The following MAGI3 variants were observed in gnomAD, a reference collection of about 807,000 sequenced individuals.
MAGI3 encodes membrane associated guanylate kinase, WW and PDZ domain containing 3.
A neutral mutation model predicts 121.8 loss-of-function variants in MAGI3; 43 were observed. That is an observed-to-expected ratio of 0.35 (90% CI 0.28 to 0.46). The LOEUF is 0.46. Ranked by LOEUF, MAGI3 falls within the 20% of genes least tolerant of loss-of-function variation. The pLI is 1.00. For synonymous variants in MAGI3, 553 were observed against 639.3 expected, an observed-to-expected ratio of 0.86 and a Z score of 2.04; for missense variants, 1,547 against 1,797.3, an observed-to-expected ratio of 0.86 and a Z score of 2.52.
At chr1:113,539,387 GTC>G in intron 1 of MAGI3, among the ~76,000 whole-genome samples, 1 of 146,844 alleles carries the variant, frequency 6.8e-6, no homozygotes, top group African/African-American at 2.5e-5. Context: ...GAGAGACTCC[GTC>G]TCAGAAAAAA....
intron 1 of MAGI3, among the ~76,000 whole-genome samples, chr1:113,472,734 TTGTGTGTGTGTG>T (rs35390645): frequency 7.2e-6 from 1 of 139,218 alleles, no homozygotes; most frequent in Non-Finnish European, 1.6e-5. Flanking sequence ...TCTACTACAG[TTGTGTGTGTGTG>T]TGTGTGTGTG....
intron 1 of MAGI3, among the ~76,000 whole-genome samples, chr1:113,398,387 A>G (rs1193076325): frequency 6.6e-6 from 1 of 152,174 alleles, no homozygotes; most frequent in African/African-American, 2.4e-5. Context: ...ATTTTGTTTC[A>G]AATTTATTAA....
intron 1 of MAGI3, among the ~76,000 whole-genome samples, chr1:113,404,742 C>T (rs1385560447): frequency 3.3e-5 from 5 of 152,078 alleles, no homozygotes; most frequent in East Asian, 1.9e-4. Context: ...ATGAGTGAAA[C>T]GATGAGAAAA....
intron 1 of MAGI3, among the ~76,000 whole-genome samples, chr1:113,394,580 T>G (rs1274814059): frequency 6.6e-6 from 1 of 152,212 alleles, no homozygotes; most frequent in Non-Finnish European, 1.5e-5. Context: ...TTCTGATTAA[T>G]ATACAAGTAG....
At chr1:113,579,010 A>G (rs1178561261) in intron 2 of MAGI3, among the ~76,000 whole-genome samples, 2 of 152,200 alleles carry the variant, frequency 1.3e-5, no homozygotes, top group Non-Finnish European at 2.9e-5. Flanking sequence ...TGTGACTAAA[A>G]ACAGTAGGAG....
intron 1 of MAGI3, among the ~76,000 whole-genome samples, chr1:113,480,872 A>G (rs369810840): frequency 4.9e-4 from 74 of 152,326 alleles, no homozygotes; most frequent in African/African-American, 1.8e-3. Flanking sequence ...TGAATCCGCC[A>G]GTAGGAAACC....
chr1:113,625,848 A>G (rs75683713), intron 9 of MAGI3, among the ~76,000 whole-genome samples: 1 of 151,998 alleles, frequency 6.6e-6, no homozygotes, highest in Non-Finnish European at 1.5e-5. Context: ...TATGGCTTTT[A>G]TTATATTGAG....
rs569923490 is a variant in MAGI3 at position 113,646,528 on chromosome 1, A to T, written c.2041A>T (p.Asn681Tyr). 14 of 1,612,158 alleles carry T rather than the reference A, an allele frequency of 8.7e-6. No homozygotes were observed. The South Asian group carries it at 1.5e-4, about 18-fold the overall frequency. Reference protein sequence around the residue: ...KENAGSLEAINEPIPQPMPFP... With the variant: ...KENAGSLEAIYEPIPQPMPFP... ...AAATGCAGGAAGTTTGGAGGCCATA[A>T]ATGAGCCTATTCCTCAGCCTATGCC... Residue 681 changes from asparagine to tyrosine, a missense_variant, in exon 12 of 21, where the codon AAT becomes TAT. Transcript: ENST00000307546.
intron 5 of MAGI3, 110 bp from the exon 6 acceptor site, chr1:113,594,371 G>T: frequency 1.3e-6 from 1 of 750,162 alleles, no homozygotes. Context: ...GGAGCCTGTT[G>T]GAGATTAATG....
intron 1 of MAGI3, among the ~76,000 whole-genome samples, chr1:113,529,044 T>C (rs1439994309): frequency 6.6e-6 from 1 of 152,220 alleles, no homozygotes; most frequent in Non-Finnish European, 1.5e-5. Context: ...TTCTCTTGAA[T>C]TTATAAAACT....
intron 1 of MAGI3, among the ~76,000 whole-genome samples, chr1:113,529,497 T>G (rs1265652075): frequency 6.6e-6 from 1 of 152,166 alleles, no homozygotes; most frequent in Non-Finnish European, 1.5e-5. Context: ...CCTCATGATC[T>G]AATCACCTAT....
At chr1:113,602,533 G>A (rs753322082) in intron 6 of MAGI3, among the ~76,000 whole-genome samples, 9 of 152,116 alleles carry the variant, frequency 5.9e-5, no homozygotes, top group South Asian at 4.1e-4. Flanking sequence ...AATTGACAAC[G>A]TAATGTCACA....
intron 9 of MAGI3, among the ~76,000 whole-genome samples, chr1:113,629,101 T>C (rs538032178): frequency 6.6e-6 from 1 of 152,064 alleles, no homozygotes; most frequent in African/African-American, 2.4e-5. Flanking sequence ...TGCTTTATTG[T>C]TCTTTATTCT....
chr1:113,466,252 A>G (rs756442209), intron 1 of MAGI3, among the ~76,000 whole-genome samples: 1 of 152,180 alleles, frequency 6.6e-6, no homozygotes, highest in South Asian at 2.1e-4. Context: ...TGAAATAATC[A>G]TAGGGTTTTT....
intron 9 of MAGI3, among the ~76,000 whole-genome samples, chr1:113,631,546 CT>C (rs1451392429): frequency 1.3e-5 from 2 of 151,756 alleles, no homozygotes; most frequent in Non-Finnish European, 2.9e-5. Context: ...TGAGATAATC[CT>C]TTTGCTGTAT....
intron 1 of MAGI3, among the ~76,000 whole-genome samples, chr1:113,505,320 T>G (rs758078195): frequency 2.0e-5 from 3 of 152,134 alleles, no homozygotes; most frequent in Non-Finnish European, 4.4e-5. Context: ...AGTTTCTGCT[T>G]CACCTTGGTC....
At chr1:113,585,617 C>T (rs1266175000) in intron 4 of MAGI3, 21 bp downstream of exon 4, 1 of 1,569,594 alleles carries the variant, frequency 6.4e-7, no homozygotes, top group East Asian at 2.2e-5. Context: ...AGATGAACAA[C>T]TTCTAACTGA....
At chr1:113,402,227 G>A (rs1344839270) in intron 1 of MAGI3, among the ~76,000 whole-genome samples, 1 of 152,126 alleles carries the variant, frequency 6.6e-6, no homozygotes, top group Admixed American at 6.6e-5. Flanking sequence ...AGTGTAATGT[G>A]CTAGACTCAG....
intron 1 of MAGI3, among the ~76,000 whole-genome samples, chr1:113,448,518 G>C (rs1211587069): frequency 6.6e-6 from 1 of 152,226 alleles, no homozygotes; most frequent in Non-Finnish European, 1.5e-5. Context: ...GTGTGTGGCA[G>C]TATTTCTGCA....
Sources: gnomAD v4.1 joint callset for allele counts (sites outside exome capture counted in the v4.1 genomes callset) on GRCh38, gnomAD v4.1.1 for gene constraint, MANE v1.5 for transcripts, NCBI Gene and HGNC (gene_info 2026-07-23, HGNC 2026-07-21) for gene names.